Variants in CTTNBP2 observed in about 807,000 individuals in gnomAD.
CTTNBP2 encodes the protein cortactin-binding protein 2.
Under a neutral mutation model 156.9 loss-of-function variants are expected in CTTNBP2, and 108 were observed. The ratio of observed to expected loss-of-function variants is 0.69; its 90% CI spans 0.59 to 0.81. The LOEUF is 0.81. Among genes scored for constraint, CTTNBP2 ranks in the 30% least tolerant of loss-of-function variants. The pLI, the probability that CTTNBP2 is intolerant of heterozygous loss-of-function variation, is 0.00. For synonymous variants in CTTNBP2, 767 were observed against 751.8 expected, an observed-to-expected ratio of 1.02 and a Z score of -0.33; for missense variants, 1,924 against 2,035.4, an observed-to-expected ratio of 0.95 and a Z score of 1.05.
At chr7:117,712,722 T>C (rs1429350111) in intron 22 of CTTNBP2, among the ~76,000 whole-genome samples, 1 of 152,228 alleles carries the variant, frequency 6.6e-6, no homozygotes, top group Admixed American at 6.5e-5. Flanking sequence ...TATCGTCTTA[T>C]ATGACATTGG....
At chr7:117,728,781 T>C (rs1156745554) in intron 16 of CTTNBP2, among the ~76,000 whole-genome samples, 1 of 152,234 alleles carries the variant, frequency 6.6e-6, no homozygotes, top group Non-Finnish European at 1.5e-5. Flanking sequence ...ATTAACTACA[T>C]AGGGCTTATC....
chr7:117,836,562 CA>C (rs567802564), intron 2 of CTTNBP2, among the ~76,000 whole-genome samples: 1 of 151,580 alleles, frequency 6.6e-6, no homozygotes, highest in Non-Finnish European at 1.5e-5. Flanking sequence ...GACTCTGTCT[CA>C]AAAAAACAAA....
At chr7:117,858,142 G>A (rs1258018133) in intron 2 of CTTNBP2, among the ~76,000 whole-genome samples, 11 of 152,304 alleles carry the variant, frequency 7.2e-5, no homozygotes, top group East Asian at 1.9e-4. Flanking sequence ...AGGCCAAGGC[G>A]GGCAGATCAC....
chr7:117,824,230 A>T (rs1315060487), intron 2 of CTTNBP2, among the ~76,000 whole-genome samples: 1 of 151,850 alleles, frequency 6.6e-6, no homozygotes, highest in Non-Finnish European at 1.5e-5. Flanking sequence ...CTTAAAATAC[A>T]TAATATTTTA....
rs1343520125 is a variant in CTTNBP2 at position 117,719,750 on chromosome 7, A to G, written c.4512-114T>C. 6.7e-6 allele frequency: 5 copies of G among 747,604 alleles called. No homozygotes were observed. In the South Asian group the frequency reaches 9.0e-5, roughly 13 times the overall value. 46.3% of individuals were successfully genotyped at this position (747,604 alleles called of 1,614,324 possible). A position where few individuals can be genotyped will look rare whatever the true frequency, so the allele number is the denominator to read the frequency against. On this transcript the variant is annotated intron_variant, in intron 20 of 22. Coordinates refer to ENST00000160373, the MANE Select transcript of CTTNBP2 (RefSeq NM_033427.3). ...GTGGGGTAGGGAAAATGTTTTTAAT[A>G]GCCTTTAAAGTATTTCATAAATGTC...
At position 117,851,244 on chromosome 7, in the gene CTTNBP2, G is replaced by GA. The variant is rs111464540; in HGVS notation, c.189+9964dup. Among the ~76,000 whole-genome samples, 545 of 150,056 alleles carry GA rather than the reference G, an allele frequency of 3.6e-3. 6 individuals are homozygous for GA. Among genetic ancestry groups the GA allele is most frequent in the African/African-American group, 0.013 (521 of 40,746 alleles). The stretch of plus-strand genomic sequence containing the variant: ...ATAGCAAGACCCTGTCTCTATTTAA[G>GA]AAAAAAAGAAAAGAAAATAGAGGGA... On this transcript the variant is annotated intron_variant, in intron 2 of 22. Coordinates refer to ENST00000160373, the MANE Select transcript of CTTNBP2 (RefSeq NM_033427.3).
At chr7:117,774,012 C>T (rs1314893505) in intron 8 of CTTNBP2, among the ~76,000 whole-genome samples, 1 of 152,142 alleles carries the variant, frequency 6.6e-6, no homozygotes, top group Non-Finnish European at 1.5e-5. Context: ...CAGGCAATCT[C>T]CTAAATTTGT....
At chr7:117,776,287 C>A (rs1198723094) in intron 8 of CTTNBP2, among the ~76,000 whole-genome samples, 1 of 152,168 alleles carries the variant, frequency 6.6e-6, no homozygotes, top group East Asian at 1.9e-4. Context: ...CATGTAGTAT[C>A]CCTTCCTGAT....
intron 3 of CTTNBP2, among the ~76,000 whole-genome samples, chr7:117,798,277 T>C (rs1799432157): frequency 6.6e-6 from 1 of 152,176 alleles, no homozygotes; most frequent in South Asian, 2.1e-4. Context: ...TTGATATTTA[T>C]AGGGTAGAAT....
At chr7:117,866,472 C>A (rs1426581157) in intron 1 of CTTNBP2, among the ~76,000 whole-genome samples, 1 of 152,172 alleles carries the variant, frequency 6.6e-6, no homozygotes, top group Non-Finnish European at 1.5e-5. Flanking sequence ...GGCACTTTCT[C>A]TGGCTCTTCC....
Position 117,730,533 on chromosome 7 carries a change from C to A in CTTNBP2, c.3877-2266G>T, listed in dbSNP as rs187670995. Among the ~76,000 whole-genome samples, 204 of 152,226 alleles carry A rather than the reference C, an allele frequency of 1.3e-3. 4 individuals carry two copies. The Middle Eastern group carries it at 0.014, about 10-fold the overall frequency. ...CAAGGCTTAAATAGTTGAATCCAGT[C>A]CAGTGGTGAAATAGCATGGGTAAAG... On this transcript the variant is annotated intron_variant, in intron 16 of 22. Transcript: ENST00000160373.
intron 3 of CTTNBP2, among the ~76,000 whole-genome samples, chr7:117,805,886 C>T (rs932406010): frequency 6.6e-6 from 1 of 152,016 alleles, no homozygotes; most frequent in East Asian, 1.9e-4. Flanking sequence ...TACAAGGAAC[C>T]ACACTAGAAA....
chr7:117,827,082 C>T (rs377322817), intron 2 of CTTNBP2, among the ~76,000 whole-genome samples: 14 of 152,100 alleles, frequency 9.2e-5, no homozygotes, highest in African/African-American at 3.1e-4. Flanking sequence ...TGGTCTCAAA[C>T]TCCTGGCCTT....
intron 8 of CTTNBP2, among the ~76,000 whole-genome samples, chr7:117,775,334 C>T (rs977765470): frequency 1.3e-5 from 2 of 152,080 alleles, no homozygotes; most frequent in African/African-American, 4.8e-5. Context: ...AAAGAGGTCA[C>T]ATTTTCCTTG....
At chr7:117,819,382 C>G (rs1800815900) in intron 2 of CTTNBP2, among the ~76,000 whole-genome samples, 1 of 150,632 alleles carries the variant, frequency 6.6e-6, no homozygotes, top group African/African-American at 2.5e-5. Flanking sequence ...CACACACACA[C>G]ACACACACAC....
intron 3 of CTTNBP2, among the ~76,000 whole-genome samples, chr7:117,802,460 A>C (rs1222625964): frequency 6.7e-6 from 1 of 149,304 alleles, no homozygotes; most frequent in Non-Finnish European, 1.5e-5. Flanking sequence ...AAAAAAAACA[A>C]AAACAAACAA....
Position 117,745,752 on chromosome 7 carries a change from A to G in CTTNBP2, c.3535+79T>C, listed in dbSNP as rs115161258. On this transcript the variant is annotated intron_variant, in intron 14 of 22. Coordinates refer to ENST00000160373, the MANE Select transcript of CTTNBP2 (RefSeq NM_033427.3). ...TATCTTAAATGTATCCCCAAGCAAC[A>G]CAGTGTATTTTCTCTTAATGGCATA... The G allele has an allele frequency of 3.1e-3, 2,889 of 924,360 alleles. 60 individuals are homozygous for G. The African/African-American group carries it at 0.042, about 13-fold the overall frequency. The allele number at this position is 924,360 out of a possible 1,614,324, so 57.3% of individuals were successfully genotyped here. A position where few individuals can be genotyped will look rare whatever the true frequency, so the allele number is the denominator to read the frequency against.
intron 2 of CTTNBP2, among the ~76,000 whole-genome samples, chr7:117,817,504 T>C (rs1411017348): frequency 6.7e-6 from 1 of 150,006 alleles, no homozygotes; most frequent in Non-Finnish European, 1.5e-5. Flanking sequence ...TACTTTGGCT[T>C]TCCTTGTTTG....
At chr7:117,830,751 C>T (rs1440679361) in intron 2 of CTTNBP2, among the ~76,000 whole-genome samples, 1 of 152,212 alleles carries the variant, frequency 6.6e-6, no homozygotes, top group East Asian at 1.9e-4. Context: ...CCACCCTTCC[C>T]TGGCTACTTG....
Sources: allele counts gnomAD v4.1 joint callset (sites outside exome capture counted in the v4.1 genomes callset), GRCh38; gene constraint gnomAD v4.1.1; transcripts MANE v1.5; gene names NCBI Gene and HGNC (gene_info 2026-07-23, HGNC 2026-07-21).